Variants in PAQR5 observed in about 807,000 individuals in gnomAD.
The protein encoded by PAQR5 is progestin and adipoQ receptor family member 5, also known as membrane progestin receptor gamma.
Under a neutral mutation model 34.5 loss-of-function variants are expected in PAQR5, and 20 were observed. That is an observed-to-expected ratio of 0.58 (90% confidence interval 0.41 to 0.84). PAQR5 has a LOEUF of 0.84. Among genes scored for constraint, PAQR5 ranks in the 40% least tolerant of loss-of-function variants. The pLI, the probability that PAQR5 is intolerant of heterozygous loss-of-function variation, is 0.00. For synonymous variants in PAQR5, 131 were observed against 155.6 expected (o/e 0.84, Z 1.18); for missense variants, 378 against 412.7 (o/e 0.92, Z 0.73).
At chr15:69,317,920 C>A (rs1157104741) in intron 1 of PAQR5, among the ~76,000 whole-genome samples, 1 of 152,198 alleles carries the variant, frequency 6.6e-6, no homozygotes, top group Non-Finnish European at 1.5e-5. Flanking sequence ...CCCTTCTCTG[C>A]CAAAGCAAGT....
intron 1 of PAQR5, among the ~76,000 whole-genome samples, chr15:69,310,285 A>G (rs746534410): frequency 6.6e-6 from 1 of 152,138 alleles, no homozygotes; most frequent in Non-Finnish European, 1.5e-5. Flanking sequence ...TTGGTGGTTC[A>G]TGGGTATGTG....
rs36195214 is a variant in PAQR5 at position 69,300,913 on chromosome 15, CTT to C, written c.-277+1859_-277+1860del. Among the ~76,000 whole-genome samples, 2 of 10,798 alleles carry C rather than the reference CTT, an allele frequency of 1.9e-4. 1 individual carries two copies. Among genetic ancestry groups the C allele is most frequent in the African/African-American group, 3.1e-4 (2 of 6,360 alleles). 7.1% of individuals were successfully genotyped at this position (10,798 alleles called of 152,430 possible). ...TCTTTCTTCCTTCCTTCCTTCCTTC[CTT>C]TCTCTCTCTCTCTCTCTCTCTCTCT... On this transcript the variant is annotated intron_variant, in intron 1 of 8. Transcript: ENST00000395407.
chr15:69,404,109 A>T lies in PAQR5; in HGVS notation c.*287A>T. 3.0e-6 allele frequency: 1 copy of T among 333,570 alleles called. No homozygotes were observed. The highest frequency in any genetic ancestry group is 5.5e-6 in the Non-Finnish European group (1 of 180,938). 20.7% of individuals were successfully genotyped at this position (333,570 alleles called of 1,614,324 possible). A position where few individuals can be genotyped will look rare whatever the true frequency, so the allele number is the denominator to read the frequency against. On this transcript the variant is annotated 3_prime_UTR_variant, in exon 9 of 9. Coordinates refer to ENST00000395407, the MANE Select transcript of PAQR5 (RefSeq NM_017705.4). ...AAATTTACTTAAAATGTGGTTTTAAATTCTATTTAAACATTTGGATTAAGC... is the reference window on the plus strand; with the variant it reads ...AAATTTACTTAAAATGTGGTTTTAATTTCTATTTAAACATTTGGATTAAGC...
chr15:69,337,721 T>C (rs2054542801), intron 2 of PAQR5, among the ~76,000 whole-genome samples: 1 of 137,388 alleles, frequency 7.3e-6, no homozygotes, highest in Non-Finnish European at 1.6e-5. Flanking sequence ...TGCTGCACTT[T>C]ATGCAAATCA....
Position 69,385,922 on chromosome 15 carries a change from ACACT to A in PAQR5, c.385+1044_385+1047del, listed in dbSNP as rs767761976. ...ACACACACAATACACTCACATACAC[ACACT>A]CACACCACATACACACAATACACTC... On this transcript the variant is annotated intron_variant, in intron 5 of 8. Coordinates refer to ENST00000395407, the MANE Select transcript of PAQR5 (RefSeq NM_017705.4). This position sits in a 1 kb window ranked among gnomAD's most constrained non-coding sequence, Gnocchi z 4.7. 3.3e-5 allele frequency among the ~76,000 whole-genome samples: 5 copies of A among 151,650 alleles called. No homozygotes were observed. The South Asian group carries it at 6.2e-4, about 19-fold the overall frequency.
chr15:69,377,731 C>T (rs988158090), intron 3 of PAQR5, among the ~76,000 whole-genome samples: 4 of 45,184 alleles, frequency 8.9e-5, no homozygotes, highest in Non-Finnish European at 3.6e-4. Flanking sequence ...CTTCACTTTT[C>T]TCAAGGCCAC....
At chr15:69,370,199 GCAC>G (rs2055521332) in intron 3 of PAQR5, among the ~76,000 whole-genome samples, 1 of 152,200 alleles carries the variant, frequency 6.6e-6, no homozygotes, top group Non-Finnish European at 1.5e-5. Context: ...GTGCTGTGAA[GCAC>G]ACAGGAGTTT....
At chr15:69,370,430 A>G (rs938928379) in intron 3 of PAQR5, among the ~76,000 whole-genome samples, 5 of 152,354 alleles carry the variant, frequency 3.3e-5, no homozygotes, top group African/African-American at 1.2e-4. Context: ...ATGTCTAAAT[A>G]CTTAAAAGTT....
chr15:69,329,761 A>G (rs2140661357), intron 1 of PAQR5, among the ~76,000 whole-genome samples: 1 of 152,266 alleles, frequency 6.6e-6, no homozygotes, highest in Non-Finnish European at 1.5e-5. Flanking sequence ...CTAGGAGTAT[A>G]GGAATGAACC....
intron 1 of PAQR5, among the ~76,000 whole-genome samples, chr15:69,322,167 A>G (rs1243791776): frequency 2.9e-5 from 4 of 140,274 alleles, no homozygotes; most frequent in Admixed American, 2.2e-4. Flanking sequence ...TTCTAAAAAA[A>G]AAAAAAAAAA....
At chr15:69,300,835 A>T (rs1335008138) in intron 1 of PAQR5, among the ~76,000 whole-genome samples, 5 of 9,252 alleles carry the variant, frequency 5.4e-4, no homozygotes, top group East Asian at 2.1e-3. Flanking sequence ...TCCTTCCTTT[A>T]GTTCGTTTTC....
At chr15:69,319,853 T>A (rs970199604) in intron 1 of PAQR5, among the ~76,000 whole-genome samples, 7 of 152,192 alleles carry the variant, frequency 4.6e-5, no homozygotes, top group African/African-American at 1.7e-4. Flanking sequence ...CATGGCCTCC[T>A]CCAGGTTCCC....
intron 2 of PAQR5, among the ~76,000 whole-genome samples, chr15:69,355,567 T>G: frequency 6.6e-6 from 1 of 151,712 alleles, no homozygotes; most frequent in Non-Finnish European, 1.5e-5. Context: ...ATTACAGGCA[T>G]TCGCCACCAC....
chr15:69,377,892 C>T (rs2055753064), intron 3 of PAQR5, among the ~76,000 whole-genome samples: 1 of 152,122 alleles, frequency 6.6e-6, no homozygotes, highest in Non-Finnish European at 1.5e-5. Flanking sequence ...CTTTAGGAGG[C>T]CAAGATGGGA....
intron 1 of PAQR5, among the ~76,000 whole-genome samples, chr15:69,303,458 C>G (rs868120806): frequency 6.6e-6 from 1 of 152,074 alleles, no homozygotes; most frequent in South Asian, 2.1e-4. Flanking sequence ...GAAAACCTCC[C>G]AGGGTTGCTC....
At chr15:69,309,955 G>A (rs2053793959) in intron 1 of PAQR5, among the ~76,000 whole-genome samples, 1 of 152,028 alleles carries the variant, frequency 6.6e-6, no homozygotes, top group Admixed American at 6.5e-5. Flanking sequence ...GGCTGAGGTG[G>A]GAGAATCACT....
rs763129181 is a variant in PAQR5 at position 69,384,832 on chromosome 15, G to T, written c.335G>T (p.Arg112Leu). 6 of 1,614,132 alleles carry T rather than the reference G, an allele frequency of 3.7e-6. No individual in the cohort carries two copies. The East Asian group carries it at 1.3e-4, about 36-fold the overall frequency. Reference sequence around the variant, plus strand: ...TTCAGCTCTATGTCCAAGAATGCCCGGCACATTTGCTACTTCCTGGACTAT... The same window carrying T: ...TTCAGCTCTATGTCCAAGAATGCCCTGCACATTTGCTACTTCCTGGACTAT... ...HTFSSMSKNA[R>L]HICYFLDYGA... Residue 112 changes from arginine (R) to leucine (L), a missense_variant, in exon 5 of 9, where the codon CGG (arginine) becomes CTG (leucine). Coordinates refer to ENST00000395407, the MANE Select transcript of PAQR5 (RefSeq NM_017705.4).
At position 69,403,727 on chromosome 15, in the gene PAQR5, C is replaced by A. The variant is rs140161049; in HGVS notation, c.898C>A (p.Leu300Ile). The A allele has an allele frequency of 6.2e-7, 1 of 1,614,190 alleles. No homozygotes were observed. Among genetic ancestry groups the A allele is most frequent in the Non-Finnish European group, 8.5e-7 (1 of 1,180,018 alleles). Residue 300 changes from leucine to isoleucine, a missense_variant, in exon 9 of 9, where the codon CTT becomes ATT. Transcript: ENST00000395407. ...TTTCTCTCAGATAGCTGGAGCCATA[C>A]TTCTGTGCATCATCTTCAGCCTCAG... Reference protein sequence around the residue: ...FSFSQIAGAILLCIIFSLSNI... With the variant: ...FSFSQIAGAIILCIIFSLSNI...
intron 1 of PAQR5, among the ~76,000 whole-genome samples, chr15:69,300,077 G>A (rs1251824994): frequency 6.6e-6 from 1 of 152,102 alleles, no homozygotes; most frequent in Non-Finnish European, 1.5e-5. Flanking sequence ...TCCTTCCAGA[G>A]CTGCATGGTC....
Sources: gnomAD v4.1 joint callset for allele counts (sites outside exome capture counted in the v4.1 genomes callset) on GRCh38, gnomAD v4.1.1 for gene constraint, Gnocchi (gnomAD v3.1) non-coding constraint, MANE v1.5 for transcripts, NCBI Gene and HGNC (gene_info 2026-07-23, HGNC 2026-07-21) for gene names.